The following PSMA1 variants were observed in gnomAD, a reference collection of about 807,000 sequenced individuals.
The protein encoded by PSMA1 is proteasome subunit alpha type-1.
Under a neutral mutation model 38.4 loss-of-function variants are expected in PSMA1, and 3 were observed. The observed-to-expected ratio is 0.08, with a 90% CI of 0.04 to 0.20. The LOEUF (loss-of-function observed/expected upper bound fraction) is 0.20, where lower values mean the gene tolerates loss of function less well. Among genes scored for constraint, PSMA1 ranks in the 10% least tolerant of loss-of-function variants. The pLI is 1.00. For missense variants in PSMA1, 227 were observed against 325.3 expected (o/e 0.70, Z 2.32); for synonymous variants, 101 against 107.1 (o/e 0.94, Z 0.35).
At chr11:14,581,694 G>T (rs1159552212) in intron 2 of PSMA1, among the ~76,000 whole-genome samples, 1 of 152,124 alleles carries the variant, frequency 6.6e-6, no homozygotes, top group Non-Finnish European at 1.5e-5. Flanking sequence ...AAAAAAAGAG[G>T]TTTTTATTGA....
At chr11:14,528,805 TC>T in intron 2 of PSMA1, among the ~76,000 whole-genome samples, 1 of 152,062 alleles carries the variant, frequency 6.6e-6, no homozygotes. Flanking sequence ...CTTTGTAATC[TC>T]CCCCACCCTT....
intron 2 of PSMA1, among the ~76,000 whole-genome samples, chr11:14,556,663 T>G (rs1851943528): frequency 6.6e-6 from 1 of 152,174 alleles, no homozygotes; most frequent in Non-Finnish European, 1.5e-5. Context: ...TGCTTACTCT[T>G]GAGAAAAAAT....
At chr11:14,635,790 T>A (rs1208168221) in intron 1 of PSMA1, among the ~76,000 whole-genome samples, 1 of 152,214 alleles carries the variant, frequency 6.6e-6, no homozygotes, top group Non-Finnish European at 1.5e-5. Flanking sequence ...AACTGTTTAG[T>A]TATTTTAACC....
At chr11:14,571,646 C>T (rs1358818657) in intron 2 of PSMA1, among the ~76,000 whole-genome samples, 1 of 152,148 alleles carries the variant, frequency 6.6e-6, no homozygotes. Flanking sequence ...ATGACAGGAT[C>T]AAATTCACAC....
At chr11:14,598,199 T>G (rs1013913011) in intron 2 of PSMA1, among the ~76,000 whole-genome samples, 10 of 152,130 alleles carry the variant, frequency 6.6e-5, no homozygotes, top group Non-Finnish European at 1.5e-4. Context: ...TAAGTGTGAT[T>G]GATGCTGAGA....
chr11:14,541,187 A>C (rs1851770331), intron 2 of PSMA1, among the ~76,000 whole-genome samples: 1 of 152,246 alleles, frequency 6.6e-6, no homozygotes, highest in Admixed American at 6.5e-5. Context: ...TAACATGAGA[A>C]TATATAAAAG....
At chr11:14,516,354 G>A (rs1035561460) in intron 4 of PSMA1, among the ~76,000 whole-genome samples, 7 of 151,824 alleles carry the variant, frequency 4.6e-5, no homozygotes, top group African/African-American at 1.7e-4. Flanking sequence ...ACAGGTGTGT[G>A]CCACCACACC....
At chr11:14,551,386 T>C (rs982899804) in intron 2 of PSMA1, among the ~76,000 whole-genome samples, 3 of 152,208 alleles carry the variant, frequency 2.0e-5, no homozygotes, top group Non-Finnish European at 2.9e-5. Context: ...AAAATCATCC[T>C]GAAGAGACAT....
rs756980966 is a variant in PSMA1 at position 14,579,486 on chromosome 11, CTT to C, written c.21+31478_21+31479del. Among the ~76,000 whole-genome samples, 99 of 112,486 alleles carry C rather than the reference CTT, an allele frequency of 8.8e-4. 1 individual carries two copies. Among genetic ancestry groups the C allele is most frequent in the African/African-American group, 1.0e-3 (31 of 29,734 alleles). The allele number at this position is 112,486 out of a possible 152,430, so 73.8% of individuals were successfully genotyped here. Reference sequence around the variant, plus strand: ...CTTAACTTAATTACAGCTGCAAAGACTTTTTTTTTTTTTTTTTTTTTTTAAAT... The same window carrying C: ...CTTAACTTAATTACAGCTGCAAAGACTTTTTTTTTTTTTTTTTTTTTAAAT... On this transcript the variant is annotated intron_variant, in intron 2 of 10. Coordinates refer to the PSMA1 transcript ENST00000418988.
intron 1 of PSMA1, among the ~76,000 whole-genome samples, chr11:14,632,784 C>T (rs1289771209): frequency 1.3e-5 from 2 of 151,470 alleles, no homozygotes; most frequent in Non-Finnish European, 2.9e-5. Flanking sequence ...TTCCATTCTC[C>T]CCATCACTTT....
At chr11:14,519,273 T>C (rs1851485747) in intron 1 of PSMA1, 4 of 581,234 alleles carry the variant, frequency 6.9e-6, no homozygotes, top group Non-Finnish European at 1.3e-5. Context: ...CAAACTCTTA[T>C]TCTAACACCC....
At chr11:14,627,607 A>G (rs1185768178) in intron 1 of PSMA1, among the ~76,000 whole-genome samples, 1 of 152,126 alleles carries the variant, frequency 6.6e-6, no homozygotes, top group Non-Finnish European at 1.5e-5. Flanking sequence ...TGCCCTACAA[A>G]TTACTTAATC....
chr11:14,638,320 T>C (rs1162514124), intron 1 of PSMA1, among the ~76,000 whole-genome samples: 1 of 151,994 alleles, frequency 6.6e-6, no homozygotes, highest in Non-Finnish European at 1.5e-5. Context: ...AATATGTAGG[T>C]GTTTCACTTA....
At chr11:14,583,755 T>C (rs1479976333) in intron 2 of PSMA1, among the ~76,000 whole-genome samples, 2 of 152,158 alleles carry the variant, frequency 1.3e-5, no homozygotes, top group Non-Finnish European at 2.9e-5. Flanking sequence ...AGGAGAAAAG[T>C]AGACGTTTAA....
At chr11:14,579,763 T>C (rs1212171289) in intron 2 of PSMA1, among the ~76,000 whole-genome samples, 11 of 152,184 alleles carry the variant, frequency 7.2e-5, no homozygotes, top group Non-Finnish European at 5.9e-5. Flanking sequence ...CTTTGGCCTA[T>C]TAGAATTTCA....
In PSMA1 at chr11:14,510,805, T is replaced by C. The variant is rs529433452; in HGVS notation, c.624+67A>G. ...TACAGAATGTTGCATATATACTCCA[T>C]TACATTTATGCAATAAAGGTTTAAA... On this transcript the variant is annotated intron_variant, in intron 8 of 9. Transcript: ENST00000396394. 1.9e-5 allele frequency: 22 copies of C among 1,132,138 alleles called. No homozygotes were observed. In the African/African-American group the frequency reaches 3.2e-4, roughly 16 times the overall value. 70.1% of individuals were successfully genotyped at this position (1,132,138 alleles called of 1,614,324 possible).
At chr11:14,515,835 T>C (rs1414143468) in intron 4 of PSMA1, among the ~76,000 whole-genome samples, 1 of 151,818 alleles carries the variant, frequency 6.6e-6, no homozygotes, top group Non-Finnish European at 1.5e-5. Context: ...ATTACAGGCA[T>C]GAGACACCAT....
At chr11:14,591,851 T>A (rs886289531) in intron 2 of PSMA1, among the ~76,000 whole-genome samples, 1 of 152,130 alleles carries the variant, frequency 6.6e-6, no homozygotes. Flanking sequence ...CAGCCAGCAG[T>A]GGCAACCCGC....
chr11:14,630,863 G>C (rs1852995251), intron 1 of PSMA1, among the ~76,000 whole-genome samples: 1 of 152,134 alleles, frequency 6.6e-6, no homozygotes, highest in African/African-American at 2.4e-5. Flanking sequence ...GGTCTGTTCA[G>C]AGATTCAACT....
Sources: allele counts gnomAD v4.1 joint callset (sites outside exome capture counted in the v4.1 genomes callset), GRCh38; gene constraint gnomAD v4.1.1; transcripts MANE v1.5; gene names NCBI Gene and HGNC (gene_info 2026-07-23, HGNC 2026-07-21).